CDH13: variants seen among roughly 807,000 people sequenced by gnomAD.
CDH13 encodes cadherin 13, also known as cadherin-13.
Under a neutral mutation model 63.8 loss-of-function variants are expected in CDH13, and 24 were observed. The observed-to-expected ratio is 0.38, with a 90% CI of 0.27 to 0.53. The LOEUF (loss-of-function observed/expected upper bound fraction) is 0.53. Among genes scored for constraint, CDH13 ranks in the 20% least tolerant of loss-of-function variants. The pLI is 0.85. For synonymous variants in CDH13, 503 were observed against 355.3 expected (o/e 1.42, Z -4.67); for missense variants, 1,049 against 903.1 (o/e 1.16, Z -2.07).
chr16:83,492,614 A>G (rs1420638827), intron 7 of CDH13, among the ~76,000 whole-genome samples: 1 of 152,216 alleles, frequency 6.6e-6, no homozygotes, highest in East Asian at 1.9e-4. Flanking sequence ...TAACCACCCT[A>G]TGCTAATTGC....
At chr16:83,720,180 T>TACAC (rs375408617) in intron 10 of CDH13, among the ~76,000 whole-genome samples, 2 of 150,942 alleles carry the variant, frequency 1.3e-5, no homozygotes, top group South Asian at 2.1e-4. Flanking sequence ...AGTACATACG[T>TACAC]ACACACACAC....
At chr16:83,123,580 CA>C (rs1255693383) in intron 3 of CDH13, among the ~76,000 whole-genome samples, 2 of 152,160 alleles carry the variant, frequency 1.3e-5, no homozygotes, top group African/African-American at 4.8e-5. Flanking sequence ...CATCTGGCCC[CA>C]CATTTTTTTT....
At chr16:83,396,220 G>A (rs1398465994) in intron 6 of CDH13, among the ~76,000 whole-genome samples, 2 of 152,146 alleles carry the variant, frequency 1.3e-5, no homozygotes, top group African/African-American at 4.8e-5. Context: ...TTGATTCCGT[G>A]CCTTTGCTAT....
chr16:83,209,465 A>T (rs1298242330), intron 4 of CDH13, among the ~76,000 whole-genome samples: 1 of 152,220 alleles, frequency 6.6e-6, no homozygotes, highest in Non-Finnish European at 1.5e-5. Flanking sequence ...GGGGAATTGT[A>T]AAAAGAGAAA....
intron 4 of CDH13, among the ~76,000 whole-genome samples, chr16:83,132,629 A>G (rs1042907355): frequency 2.4e-4 from 36 of 151,998 alleles, no homozygotes; most frequent in African/African-American, 7.2e-4. Context: ...TTTTTTTAGT[A>G]GAGACAGGGT....
chr16:83,777,980 C>T (rs928843678), intron 11 of CDH13, among the ~76,000 whole-genome samples: 8 of 152,118 alleles, frequency 5.3e-5, no homozygotes, highest in African/African-American at 1.2e-4. Flanking sequence ...GGCCAAGAAA[C>T]GATTGTACTA....
chr16:83,620,753 G>A (rs761518809), intron 8 of CDH13, among the ~76,000 whole-genome samples: 3 of 152,228 alleles, frequency 2.0e-5, no homozygotes, highest in Admixed American at 6.5e-5. Context: ...GTCACTGGGA[G>A]CTACATGGTA....
intron 6 of CDH13, among the ~76,000 whole-genome samples, chr16:83,393,376 T>A (rs1288801025): frequency 1.3e-5 from 2 of 152,198 alleles, no homozygotes; most frequent in Non-Finnish European, 2.9e-5. Flanking sequence ...TTGTTTATGA[T>A]GATGGATGAC....
chr16:83,232,135 A>C (rs2040013898), intron 5 of CDH13, among the ~76,000 whole-genome samples: 1 of 151,382 alleles, frequency 6.6e-6, no homozygotes. Context: ...AATAATGTTT[A>C]CAACAAACCC....
intron 1 of CDH13, among the ~76,000 whole-genome samples, chr16:82,813,126 G>T (rs1232067745): frequency 6.6e-6 from 1 of 152,194 alleles, no homozygotes; most frequent in Non-Finnish European, 1.5e-5. Context: ...TTTAATGTGT[G>T]CTGAAGTAAG....
At chr16:83,298,599 A>T (rs1315313769) in intron 5 of CDH13, among the ~76,000 whole-genome samples, 1 of 152,212 alleles carries the variant, frequency 6.6e-6, no homozygotes, top group African/African-American at 2.4e-5. Context: ...TCCAAGAAGT[A>T]AGGACCTGTT....
intron 1 of CDH13, among the ~76,000 whole-genome samples, chr16:82,713,820 AC>A (rs75410277): frequency 4.6e-4 from 67 of 146,960 alleles, no homozygotes; most frequent in East Asian, 7.9e-4. Flanking sequence ...AAAAAAACAA[AC>A]AAAAAAAAAG....
At chr16:82,738,735 A>G (rs897118073) in intron 1 of CDH13, among the ~76,000 whole-genome samples, 7 of 152,190 alleles carry the variant, frequency 4.6e-5, no homozygotes, top group Non-Finnish European at 1.0e-4. Context: ...TTTGGGGGAA[A>G]ATGTCATCTC....
At chr16:82,710,114 A>G (rs919997939) in intron 1 of CDH13, among the ~76,000 whole-genome samples, 2 of 148,060 alleles carry the variant, frequency 1.4e-5, no homozygotes, top group East Asian at 3.9e-4. Flanking sequence ...TAAATATATT[A>G]TATAGATTTA....
chr16:83,791,818 A>C (rs1916287735), intron 13 of CDH13, among the ~76,000 whole-genome samples: 1 of 151,800 alleles, frequency 6.6e-6, no homozygotes, highest in South Asian at 2.1e-4. Context: ...CTCCAAAAAA[A>C]AAAAAAAAAA....
intron 4 of CDH13, among the ~76,000 whole-genome samples, chr16:83,175,525 C>T (rs963931322): frequency 2.6e-5 from 4 of 152,066 alleles, no homozygotes; most frequent in African/African-American, 9.7e-5. Context: ...GCACCACTGA[C>T]TGAATCAGAG....
chr16:83,765,156 G>A (rs1353955726), intron 11 of CDH13, among the ~76,000 whole-genome samples: 1 of 152,160 alleles, frequency 6.6e-6, no homozygotes, highest in Non-Finnish European at 1.5e-5. Flanking sequence ...TCCTGCCATA[G>A]CATTAGCGTT....
intron 7 of CDH13, among the ~76,000 whole-genome samples, chr16:83,548,151 C>T (rs923646852): frequency 2.0e-5 from 3 of 151,918 alleles, no homozygotes; most frequent in Non-Finnish European, 4.4e-5. Flanking sequence ...AGAATGGTCA[C>T]TTAAACCTAG....
At position 83,260,097 on chromosome 16, in the gene CDH13, T is replaced by TGCACAC. The variant is rs1358317107; in HGVS notation, c.636+42600_636+42601insGCACAC. Among the ~76,000 whole-genome samples, 201 of 126,522 alleles carry TGCACAC rather than the reference T, an allele frequency of 1.6e-3. 1 individual carries two copies. Among genetic ancestry groups the TGCACAC allele is most frequent in the African/African-American group, 4.8e-3 (164 of 34,114 alleles). The allele number at this position is 126,522 out of a possible 152,430, so 83.0% of individuals were successfully genotyped here. On this transcript the variant is annotated intron_variant, in intron 5 of 13. Transcript: ENST00000567109. ...TTTTTTTGTAACCATGTACCCCCAA[T>TGCACAC]ACACACACACACACACACACACACA...
Sources: gnomAD v4.1 joint callset for allele counts (sites outside exome capture counted in the v4.1 genomes callset) on GRCh38, gnomAD v4.1.1 for gene constraint, MANE v1.5 for transcripts, NCBI Gene and HGNC (gene_info 2026-07-23, HGNC 2026-07-21) for gene names.